SETD2: variants seen among roughly 807,000 people sequenced by gnomAD.
The protein encoded by SETD2 is SET domain containing 2, histone lysine methyltransferase.
SETD2 carries 31 observed loss-of-function variants against 242.1 expected under a neutral mutation model. That is an observed-to-expected ratio of 0.13 (90% CI 0.10 to 0.17). The LOEUF (loss-of-function observed/expected upper bound fraction) is 0.17. SETD2 is among the 10% of genes least tolerant of loss of function. The probability of loss-of-function intolerance (pLI) is 1.00; values close to 1 mark genes in which losing one functional copy is unlikely to be tolerated. For synonymous variants in SETD2, 1,006 were observed against 1,066.5 expected (o/e 0.94, Z 1.11); for missense variants, 2,481 against 3,046.3 (o/e 0.81, Z 4.37).
intron 14 of SETD2, among the ~76,000 whole-genome samples, chr3:47,060,221 C>T (rs1474788725): frequency 6.6e-6 from 1 of 152,172 alleles, no homozygotes; most frequent in Non-Finnish European, 1.5e-5. Context: ...ATGATCATGC[C>T]ACTGCACTCC....
rs1559634059 is a variant in SETD2, at chr3:47,017,304, TTA to T, written c.7534-52_7534-51del. 1 of 1,600,086 alleles carries T rather than the reference TTA, an allele frequency of 6.2e-7. No individual in the cohort carries two copies. Among genetic ancestry groups the T allele is most frequent in the Non-Finnish European group, 8.5e-7 (1 of 1,169,998 alleles). On this transcript the variant is annotated intron_variant, in intron 20 of 20. Transcript: ENST00000409792. The surrounding 1 kb of genome is among the most constrained non-coding windows in gnomAD (Gnocchi z 4.8). ...CCACAGCCACCAATCAGAGCAGAAATTATATGAGGGGGAGGACAGGGGTGGTA... is the reference window on the plus strand; with the variant it reads ...CCACAGCCACCAATCAGAGCAGAAATTATGAGGGGGAGGACAGGGGTGGTA...
intron 1 of SETD2, among the ~76,000 whole-genome samples, chr3:47,153,622 G>A (rs536452919): frequency 3.3e-5 from 5 of 152,002 alleles, no homozygotes; most frequent in South Asian, 4.2e-4. Context: ...GTGTGGTGGC[G>A]CATGCCTGTT....
At chr3:47,146,814 T>G (rs1163788381) in intron 1 of SETD2, among the ~76,000 whole-genome samples, 1 of 151,820 alleles carries the variant, frequency 6.6e-6, no homozygotes, top group Non-Finnish European at 1.5e-5. Context: ...GGCGTTTGCC[T>G]GTGGTCCCAG....
At chr3:47,109,841 C>T (rs193299263) in intron 5 of SETD2, among the ~76,000 whole-genome samples, 29 of 152,050 alleles carry the variant, frequency 1.9e-4, no homozygotes, top group African/African-American at 6.7e-4. Context: ...GAAAAATTAG[C>T]TGGGCATGGT....
chr3:47,133,805 A>C (rs2043534091), intron 1 of SETD2, among the ~76,000 whole-genome samples: 1 of 152,086 alleles, frequency 6.6e-6, no homozygotes, highest in African/African-American at 2.4e-5. Context: ...AATCTTCCTA[A>C]ATTTATATTC....
chr3:47,047,737 A>T (rs553044733), intron 15 of SETD2, among the ~76,000 whole-genome samples: 1 of 152,324 alleles, frequency 6.6e-6, no homozygotes, highest in Non-Finnish European at 1.5e-5. Flanking sequence ...ACTGAAAAAC[A>T]TTAATTGTTA....
chr3:47,153,625 T>C (rs1332167086), intron 1 of SETD2, among the ~76,000 whole-genome samples: 2 of 151,904 alleles, frequency 1.3e-5, no homozygotes, highest in African/African-American at 4.8e-5. Context: ...TGGTGGCGCA[T>C]GCCTGTTGTC....
Position 47,159,102 on chromosome 3 carries a change from C to T in SETD2, c.71+4752G>A, listed in dbSNP as rs139618435. Among the ~76,000 whole-genome samples the T allele has an allele frequency of 3.9e-5, 6 of 151,904 alleles. No individual in the cohort carries two copies. The East Asian group carries it at 1.2e-3, about 29-fold the overall frequency. ...ACCAGCCTGGGGAAAATGTAAGATT[C>T]CATCTTAAAAAAAAAATAAAAAGAC... On this transcript the variant is annotated intron_variant, in intron 1 of 20. Coordinates refer to ENST00000409792, the MANE Select transcript of SETD2 (RefSeq NM_014159.7).
In SETD2 at chr3:47,146,035, A is replaced by T. The variant is rs1021190844; in HGVS notation, c.71+17819T>A. Among the ~76,000 whole-genome samples, 5 of 150,904 alleles carry T rather than the reference A, an allele frequency of 3.3e-5. 1 individual carries two copies. Among genetic ancestry groups the T allele is most frequent in the African/African-American group, 1.2e-4 (5 of 41,258 alleles). ...TGTCTCAAAAAAAAAAAAAAAAAAA[A>T]AAAAAAAGCTATACAGCCTAAATTG... On this transcript the variant is annotated intron_variant, in intron 1 of 20. Transcript: ENST00000409792.
At chr3:47,044,377 A>C (rs2039425228) in intron 16 of SETD2, among the ~76,000 whole-genome samples, 1 of 136,446 alleles carries the variant, frequency 7.3e-6, no homozygotes, top group Non-Finnish European at 1.6e-5. Flanking sequence ...AAAAAAAAAA[A>C]AAAAAAAAAG....
intron 18 of SETD2, among the ~76,000 whole-genome samples, chr3:47,035,541 A>G (rs904896967): frequency 1.3e-5 from 2 of 152,218 alleles, no homozygotes; most frequent in Non-Finnish European, 2.9e-5. Flanking sequence ...GTCTTCATAT[A>G]AGAAAGGCAA....
At chr3:47,128,873 A>C (rs2043411921) in intron 1 of SETD2, among the ~76,000 whole-genome samples, 1 of 152,330 alleles carries the variant, frequency 6.6e-6, no homozygotes, top group Non-Finnish European at 1.5e-5. Flanking sequence ...TTTGATTTAA[A>C]TTAGTACCAT....
intron 1 of SETD2, among the ~76,000 whole-genome samples, chr3:47,143,226 C>CA (rs1196323860): frequency 1.3e-5 from 2 of 152,092 alleles, no homozygotes; most frequent in Non-Finnish European, 2.9e-5. Flanking sequence ...CCCAGGACGT[C>CA]AAGGATGCAG....
At chr3:47,117,442 G>C (rs1433477772) in intron 3 of SETD2, among the ~76,000 whole-genome samples, 1 of 152,044 alleles carries the variant, frequency 6.6e-6, no homozygotes, top group Non-Finnish European at 1.5e-5. Context: ...GTCATACTAG[G>C]TTCTAGGAAA....
chr3:47,017,713 C>A lies in SETD2; in HGVS notation c.7458G>T (p.Leu2486=). The change falls in exon 20 of 21, where the codon CTG becomes CTT. Residue 2486 remains leucine, a synonymous_variant. Transcript: ENST00000409792. This position sits in a 1 kb window ranked among gnomAD's most constrained non-coding sequence, Gnocchi z 4.8. ...TGCAGTCAGGTTTCCGGTAAGGGTT[C>A]AGGCACTGGACGATGAACTGGGACA... is the stretch of plus-strand genomic sequence containing the variant. The part of the protein sequence containing the change: ...KEMSQFIVQC[L]NPYRKPDCKV... 6.2e-7 allele frequency: 1 copy of A among 1,613,874 alleles called. No homozygotes were observed. Among genetic ancestry groups the A allele is most frequent in the Non-Finnish European group, 8.5e-7 (1 of 1,179,794 alleles).
chr3:47,050,723 C>CTTTTTTTTTATT (rs2039790778), intron 15 of SETD2, among the ~76,000 whole-genome samples: 1 of 66,878 alleles, frequency 1.5e-5, no homozygotes, highest in Non-Finnish European at 2.6e-5. Context: ...TTTCCTCTCT[C>CTTTTTTTTTATT]TTTTTTTTTT....
intron 9 of SETD2, among the ~76,000 whole-genome samples, chr3:47,096,044 C>T (rs1366511153): frequency 2.0e-5 from 3 of 152,194 alleles, no homozygotes; most frequent in Admixed American, 6.5e-5. Flanking sequence ...GCAAGAGCCA[C>T]CACGCCCAGC....
Position 47,164,076 on chromosome 3 carries a change from G to GCTCC in SETD2, c.-156_-153dup, listed in dbSNP as rs1697596956. 5 of 1,184,326 alleles carry GCTCC rather than the reference G, an allele frequency of 4.2e-6. No individual in the cohort carries two copies. The highest frequency in any genetic ancestry group is 1.6e-5 in the African/African-American group (1 of 62,776). 73.4% of individuals were successfully genotyped at this position (1,184,326 alleles called of 1,614,324 possible). A position where few individuals can be genotyped will look rare whatever the true frequency, so the allele number is the denominator to read the frequency against. The stretch of plus-strand genomic sequence containing the variant: ...GGCCCGCGTCGCTACCTCGCTCGTC[G>GCTCC]CTCCCTCCCTCCCTCGGACGCCCGC... On this transcript the variant is annotated 5_prime_UTR_variant, in exon 1 of 21. Transcript: ENST00000409792. The surrounding 1 kb of genome is among the most constrained non-coding windows in gnomAD (Gnocchi z 5.4).
At chr3:47,026,772 C>T (rs1410458748) in intron 18 of SETD2, among the ~76,000 whole-genome samples, 3 of 151,610 alleles carry the variant, frequency 2.0e-5, no homozygotes, top group Non-Finnish European at 4.4e-5. Flanking sequence ...CACATGGATA[C>T]AGGAAGGGGA....
Sources: allele counts gnomAD v4.1 joint callset (sites outside exome capture counted in the v4.1 genomes callset), GRCh38; gene constraint gnomAD v4.1.1; non-coding constraint Gnocchi (gnomAD v3.1); transcripts MANE v1.5; gene names NCBI Gene and HGNC (gene_info 2026-07-23, HGNC 2026-07-21).